The following CENPP variants were observed in gnomAD, a reference collection of about 807,000 sequenced individuals.
The protein encoded by CENPP is centromere protein P.
Under a neutral mutation model 35.6 loss-of-function variants are expected in CENPP, and 24 were observed. That is an observed-to-expected ratio of 0.67 (90% CI 0.49 to 0.95). The LOEUF is 0.95. Ranked by LOEUF, CENPP falls within the 40% of genes least tolerant of loss-of-function variation. CENPP has a pLI of 0.00. For missense variants in CENPP, 332 were observed against 345.3 expected (o/e 0.96, Z 0.31); for synonymous variants, 120 against 125.5 (o/e 0.96, Z 0.29).
intron 5 of CENPP, chr9:92,416,604 TAA>T: frequency 2.1e-6 from 3 of 1,420,160 alleles, no homozygotes. Flanking sequence ...CAAAACACAA[TAA>T]AAGTCTACAT....
At chr9:92,612,968 C>T (rs1564022315) in intron 7 of CENPP, 51 bp from the exon 8 acceptor site, 1 of 1,610,514 alleles carries the variant, frequency 6.2e-7, no homozygotes, top group Non-Finnish European at 8.5e-7. Flanking sequence ...AACAAAAGAC[C>T]AAAAGCTGCC....
chr9:92,533,142 C>CA (rs149924321), intron 5 of CENPP, among the ~76,000 whole-genome samples: 3,760 of 148,346 alleles, frequency 0.025, 58 homozygotes, highest in Non-Finnish European at 0.04. Flanking sequence ...ATTAAAAATA[C>CA]AAAAAAAATT....
At chr9:92,412,508 C>G (rs776094891) in intron 5 of CENPP, among the ~76,000 whole-genome samples, 7 of 151,764 alleles carry the variant, frequency 4.6e-5, no homozygotes, top group Non-Finnish European at 8.8e-5. Context: ...AGTTACTTCT[C>G]ACTTTCCCCA....
intron 5 of CENPP, among the ~76,000 whole-genome samples, chr9:92,446,336 C>G (rs1844551416): frequency 6.6e-6 from 1 of 152,148 alleles, no homozygotes; most frequent in Non-Finnish European, 1.5e-5. Context: ...TGTTATAGCA[C>G]TGGTCAGAGG....
intron 5 of CENPP, among the ~76,000 whole-genome samples, chr9:92,602,598 G>A (rs960841582): frequency 6.6e-6 from 1 of 152,202 alleles, no homozygotes; most frequent in African/African-American, 2.4e-5. Flanking sequence ...AAGGAGAGAC[G>A]CAGTTGGGAC....
At chr9:92,365,330 A>G (rs1174695871) in intron 4 of CENPP, among the ~76,000 whole-genome samples, 1 of 151,764 alleles carries the variant, frequency 6.6e-6, no homozygotes, top group Non-Finnish European at 1.5e-5. Flanking sequence ...GCCTAATCAT[A>G]TCAGTTTGTT....
chr9:92,467,172 A>G (rs1349646046), intron 5 of CENPP, among the ~76,000 whole-genome samples: 1 of 152,206 alleles, frequency 6.6e-6, no homozygotes, highest in Non-Finnish European at 1.5e-5. Context: ...TTCTCAGGGC[A>G]ATAAGACAGC....
chr9:92,531,102 A>C (rs1467588329), intron 5 of CENPP, among the ~76,000 whole-genome samples: 1 of 152,104 alleles, frequency 6.6e-6, no homozygotes, highest in African/African-American at 2.4e-5. Context: ...TTTAATTGGA[A>C]CATTTAGGCT....
chr9:92,404,657 T>G (rs1466340808), intron 5 of CENPP: 2 of 1,255,726 alleles, frequency 1.6e-6, no homozygotes, highest in Non-Finnish European at 2.1e-6. Context: ...TTCCATGTGG[T>G]AGAGATCTTT....
chr9:92,326,031 G>A lies in CENPP; in HGVS notation c.33G>A (p.Leu11=). MDAELAEVRA[L]QAEIAALRRA... is the part of the protein sequence containing the mutation. ...CAGAGCTGGCAGAGGTGCGCGCCTT[G>A]CAAGCTGAGATCGCGGCCCTGCGGC... is the stretch of plus-strand genomic sequence containing the variant. Residue 11 remains leucine (L), a synonymous_variant, in exon 1 of 8, where the codon TTG becomes TTA. Coordinates refer to ENST00000375587, the MANE Select transcript of CENPP (RefSeq NM_001012267.3). 2 of 1,558,738 alleles carry A rather than the reference G, an allele frequency of 1.3e-6. No homozygotes were observed. The highest frequency in any genetic ancestry group is 1.4e-5 in the African/African-American group (1 of 73,288).
At chr9:92,475,612 C>T (rs1845687340) in intron 5 of CENPP, among the ~76,000 whole-genome samples, 1 of 152,224 alleles carries the variant, frequency 6.6e-6, no homozygotes, top group Admixed American at 6.5e-5. Context: ...TTAATGTATT[C>T]AGTGTCCCTG....
chr9:92,337,978 T>C (rs1306489265), intron 3 of CENPP, among the ~76,000 whole-genome samples: 6 of 152,190 alleles, frequency 3.9e-5, no homozygotes, highest in African/African-American at 1.4e-4. Flanking sequence ...AGTTATCTAT[T>C]GCTGCTTAAC....
intron 5 of CENPP, chr9:92,417,658 T>C (rs757317489): frequency 1.2e-5 from 9 of 752,056 alleles, no homozygotes; most frequent in Non-Finnish European, 1.9e-5. Flanking sequence ...TTATATGAAA[T>C]GTATTATACC....
chr9:92,407,236 C>G (rs956271367), intron 5 of CENPP, among the ~76,000 whole-genome samples: 1 of 152,118 alleles, frequency 6.6e-6, no homozygotes, highest in South Asian at 2.1e-4. Flanking sequence ...ATTCAGCCTC[C>G]TGGTCCACTG....
At chr9:92,413,108 G>T (rs973600990) in intron 5 of CENPP, among the ~76,000 whole-genome samples, 1 of 147,066 alleles carries the variant, frequency 6.8e-6, no homozygotes, top group Admixed American at 7.0e-5. Flanking sequence ...CCTCAGCCTC[G>T]CAAGTAGCCG....
intron 4 of CENPP, among the ~76,000 whole-genome samples, chr9:92,356,151 T>C (rs1227671903): frequency 6.6e-6 from 1 of 152,176 alleles, no homozygotes; most frequent in Non-Finnish European, 1.5e-5. Flanking sequence ...CCTCAGCTGA[T>C]ATGTGGAAGG....
intron 5 of CENPP, among the ~76,000 whole-genome samples, chr9:92,422,300 C>A (rs1163697988): frequency 6.6e-6 from 1 of 152,166 alleles, no homozygotes; most frequent in East Asian, 1.9e-4. Context: ...GTGATCCGCC[C>A]ACCTCAGCCT....
At chr9:92,394,193 T>G (rs10992321) in intron 5 of CENPP, among the ~76,000 whole-genome samples, 15 of 152,144 alleles carry the variant, frequency 9.9e-5, no homozygotes, top group Non-Finnish European at 1.6e-4. Flanking sequence ...CTTCTTATTT[T>G]TATATCAATA....
At chr9:92,415,567 G>A (rs913335035) in intron 5 of CENPP, 2 of 543,086 alleles carry the variant, frequency 3.7e-6, no homozygotes, top group Non-Finnish European at 5.7e-6. Context: ...TATTGTATGG[G>A]ATATAATTCT....
Sources: allele counts gnomAD v4.1 joint callset (sites outside exome capture counted in the v4.1 genomes callset), GRCh38; gene constraint gnomAD v4.1.1; transcripts MANE v1.5; gene names NCBI Gene and HGNC (gene_info 2026-07-23, HGNC 2026-07-21).